Variants in PARD3 observed in about 807,000 individuals in gnomAD.
PARD3 encodes partitioning defective 3 homolog.
PARD3 carries 75 observed loss-of-function variants against 155.4 expected under a neutral mutation model. The ratio of observed to expected loss-of-function variants is 0.48; its 90% CI spans 0.40 to 0.58. The LOEUF (loss-of-function observed/expected upper bound fraction) is 0.58, where lower values mean the gene tolerates loss of function less well. Among genes scored for constraint, PARD3 ranks in the 20% least tolerant of loss-of-function variants. The pLI is 0.00. For synonymous variants in PARD3, 576 were observed against 610.5 expected, an observed-to-expected ratio of 0.94 and a Z score of 0.83; for missense variants, 1,642 against 1,721.7, an observed-to-expected ratio of 0.95 and a Z score of 0.82.
In PARD3 at chr10:34,431,676, G is replaced by C. The variant is rs559081376; in HGVS notation, c.714+18641C>G. Among the ~76,000 whole-genome samples, 101 of 135,668 alleles carry C rather than the reference G, an allele frequency of 7.4e-4. 1 individual carries two copies. The highest frequency in any genetic ancestry group is 6.8e-3 in the South Asian group (27 of 3,998). 89.0% of individuals were successfully genotyped at this position (135,668 alleles called of 152,430 possible). Reference sequence around the variant, plus strand: ...AATTGCTTGAACCTGGGAGGCAGAAGTTGCAGTGAGCCAAGATCACACCAC... The same window carrying C: ...AATTGCTTGAACCTGGGAGGCAGAACTTGCAGTGAGCCAAGATCACACCAC... On this transcript the variant is annotated intron_variant, in intron 5 of 24. Coordinates refer to ENST00000374788, the MANE Select transcript of PARD3 (RefSeq NM_001184785.2).
chr10:34,593,969 G>A (rs1243661447), intron 2 of PARD3, among the ~76,000 whole-genome samples: 2 of 152,182 alleles, frequency 1.3e-5, no homozygotes, highest in Non-Finnish European at 2.9e-5. Context: ...GGGCTCCAGA[G>A]AGGAATAATG....
At chr10:34,653,559 T>C (rs1192950918) in intron 2 of PARD3, among the ~76,000 whole-genome samples, 1 of 152,132 alleles carries the variant, frequency 6.6e-6, no homozygotes, top group Non-Finnish European at 1.5e-5. Flanking sequence ...TGAACCATGA[T>C]GATGAATCCA....
chr10:34,698,420 G>A (rs1233805312), intron 1 of PARD3, among the ~76,000 whole-genome samples: 1 of 152,090 alleles, frequency 6.6e-6, no homozygotes, highest in Non-Finnish European at 1.5e-5. Context: ...TCCAATGCCT[G>A]GACCACACCT....
chr10:34,374,914 A>T lies in PARD3; in HGVS notation c.1628T>A (p.Leu543Gln). The T allele has an allele frequency of 6.2e-7, 1 of 1,613,988 alleles. No homozygotes were observed. The highest frequency in any genetic ancestry group is 1.1e-5 in the South Asian group (1 of 91,074). The change falls in exon 11 of 25, where the codon CTG becomes CAG. Residue 543 changes from leucine to glutamine, a missense_variant. Leu to Gln is a moderately radical substitution (Grantham distance 113). Transcript: ENST00000374788. Reference protein sequence around the residue: ...STKMEGTVSLLVFRQEDAFHP... With the variant: ...STKMEGTVSLQVFRQEDAFHP... Reference sequence around the variant, plus strand: ...GAAGGCGTCTTCCTGGCGAAAGACCAGAAGGCTCACAGTTCCTTCCATCTT... The same window carrying T: ...GAAGGCGTCTTCCTGGCGAAAGACCTGAAGGCTCACAGTTCCTTCCATCTT...
At chr10:34,165,148 C>T (rs577653313) in intron 22 of PARD3, among the ~76,000 whole-genome samples, 30 of 151,876 alleles carry the variant, frequency 2.0e-4, no homozygotes, top group Non-Finnish European at 3.4e-4. Flanking sequence ...TCTGGAGAAA[C>T]GGGGAAAACT....
rs1426930825 is a variant in PARD3 at position 34,814,966 on chromosome 10, G to A, written c.30C>T (p.Thr10=). The A allele has an allele frequency of 1.3e-6, 2 of 1,555,268 alleles. No homozygotes were observed. Among genetic ancestry groups the A allele is most frequent in the South Asian group, 2.4e-5 (2 of 85,024 alleles). MKVTVCFGR[T]RVVVPCGDGH... ...CGTCCCCGCACGGCACGACCACCCG[G>A]GTCCGTCCGAAGCACACGGTCACTT... Residue 10 remains threonine, a synonymous_variant, in exon 1 of 25, where the codon ACC becomes ACT. Coordinates refer to ENST00000374788, the MANE Select transcript of PARD3 (RefSeq NM_001184785.2).
intron 2 of PARD3, among the ~76,000 whole-genome samples, chr10:34,535,331 C>T (rs1223707196): frequency 6.6e-6 from 1 of 151,998 alleles, no homozygotes; most frequent in East Asian, 1.9e-4. Flanking sequence ...TCTTGGTGTG[C>T]CTGAAAATCC....
chr10:34,666,816 T>TATATATACAC (rs765552982), intron 2 of PARD3, among the ~76,000 whole-genome samples: 47 of 88,788 alleles, frequency 5.3e-4, no homozygotes, highest in Middle Eastern at 7.1e-3. Context: ...TATATATATA[T>TATATATACAC]ACACACACAC....
intron 4 of PARD3, among the ~76,000 whole-genome samples, chr10:34,463,489 A>G (rs921558797): frequency 4.6e-5 from 7 of 152,162 alleles, no homozygotes; most frequent in African/African-American, 2.4e-5. Flanking sequence ...TCTATCTAGA[A>G]AGATATTTTC....
In PARD3 at chr10:34,336,202, C is replaced by T. The variant is rs1836167484; in HGVS notation, c.2602G>A (p.Ala868Thr). ...CAGTCTAACTGTCCATTCTTACCTGCTTTCTGGTCATCCACTGTATTGAGT... is the reference window on the plus strand; with the variant it reads ...CAGTCTAACTGTCCATTCTTACCTGTTTTCTGGTCATCCACTGTATTGAGT... ...TKLNTVDDQK[A>T]GSPSRDVGPS... is the part of the protein sequence containing the mutation. The change falls in exon 18 of 25, where the codon GCA (alanine) becomes ACA (threonine). Residue 868 changes from alanine (A) to threonine (T), a missense_variant. Around this residue, in one of 3 missense-constraint regions of PARD3, gnomAD observed 1,529 missense variants for 1,587.3 expected, o/e 0.96. Transcript: ENST00000374788. 1 of 1,611,714 alleles carries T rather than the reference C, an allele frequency of 6.2e-7. No homozygotes were observed. The highest frequency in any genetic ancestry group is 8.5e-7 in the Non-Finnish European group (1 of 1,178,064).
intron 2 of PARD3, among the ~76,000 whole-genome samples, chr10:34,594,173 G>A (rs79314309): frequency 0.073 from 11,096 of 152,226 alleles, 550 homozygotes; most frequent in Non-Finnish European, 0.11. Flanking sequence ...GGACAATACA[G>A]AGCACAGGGC....
intron 5 of PARD3, among the ~76,000 whole-genome samples, chr10:34,437,579 A>G (rs947130952): frequency 1.1e-4 from 17 of 152,074 alleles, no homozygotes; most frequent in Non-Finnish European, 2.4e-4. Context: ...CATCTCCAAG[A>G]AAAAAAATTT....
At chr10:34,593,431 T>G (rs1340785609) in intron 2 of PARD3, among the ~76,000 whole-genome samples, 3 of 152,166 alleles carry the variant, frequency 2.0e-5, no homozygotes, top group Non-Finnish European at 2.9e-5. Context: ...ATACCAATAT[T>G]CACCAGTCAC....
At chr10:34,507,548 C>CAAAAAAAAAAAAAAAAA (rs374421524) in intron 3 of PARD3, among the ~76,000 whole-genome samples, 3 of 43,002 alleles carry the variant, frequency 7.0e-5, no homozygotes, top group African/African-American at 1.1e-4. Flanking sequence ...ATTAAAAAAA[C>CAAAAAAAAAAAAAAAAA]AAAAAAAAAA....
Position 34,377,957 on chromosome 10 carries a change from A to C in PARD3, c.1539+10T>G, listed in dbSNP as rs565627309. Reference sequence around the variant, plus strand: ...GAATCAGGGAACATCCTGCTGGGGAAGTCACTTACCTCTATAAGTCTGTCT... The same window carrying C: ...GAATCAGGGAACATCCTGCTGGGGACGTCACTTACCTCTATAAGTCTGTCT... On this transcript the variant is annotated intron_variant, in intron 10 of 24. Coordinates refer to ENST00000374788, the MANE Select transcript of PARD3 (RefSeq NM_001184785.2). 7.9e-6 allele frequency: 12 copies of C among 1,514,190 alleles called. No homozygotes were observed. The South Asian group carries it at 1.6e-4, about 20-fold the overall frequency. The allele number at this position is 1,514,190 out of a possible 1,614,324, so 93.8% of individuals were successfully genotyped here.
At chr10:34,608,799 G>A (rs935261338) in intron 2 of PARD3, among the ~76,000 whole-genome samples, 3 of 152,104 alleles carry the variant, frequency 2.0e-5, no homozygotes, top group Non-Finnish European at 4.4e-5. Flanking sequence ...CTCCCAAAGT[G>A]CTAGGATTAC....
At chr10:34,191,787 C>T (rs1025754156) in intron 22 of PARD3, among the ~76,000 whole-genome samples, 17 of 152,102 alleles carry the variant, frequency 1.1e-4, no homozygotes, top group Admixed American at 6.5e-4. Flanking sequence ...ACAGTCTCAG[C>T]GTCATTTTCT....
intron 2 of PARD3, among the ~76,000 whole-genome samples, chr10:34,641,676 G>A (rs528923125): frequency 1.6e-4 from 24 of 152,248 alleles, no homozygotes; most frequent in Non-Finnish European, 2.1e-4. Context: ...TCCACATGGC[G>A]GAGCACCACG....
At chr10:34,387,189 C>A (rs1296929459) in intron 7 of PARD3, among the ~76,000 whole-genome samples, 2 of 152,106 alleles carry the variant, frequency 1.3e-5, no homozygotes, top group African/African-American at 4.8e-5. Flanking sequence ...AATATTACTG[C>A]AAATGTAAGT....
Sources: allele counts gnomAD v4.1 joint callset (sites outside exome capture counted in the v4.1 genomes callset), GRCh38; gene constraint gnomAD v4.1.1; regional missense constraint gnomAD v4.1.1; transcripts MANE v1.5; gene names NCBI Gene and HGNC (gene_info 2026-07-23, HGNC 2026-07-21).